Variants in NRP2 observed in about 807,000 individuals in gnomAD.
The protein encoded by NRP2 is neuropilin-2.
In NRP2, 52 loss-of-function variants were observed where a neutral mutation model predicts 110.4. The observed-to-expected ratio is 0.47, with a 90% CI of 0.38 to 0.59. NRP2 has a LOEUF of 0.59. Among genes scored for constraint, NRP2 ranks in the 20% least tolerant of loss-of-function variants. NRP2 has a pLI of 0.00. For missense variants in NRP2, 1,049 were observed against 1,203.0 expected, an observed-to-expected ratio of 0.87 and a Z score of 1.89; for synonymous variants, 508 against 468.9, an observed-to-expected ratio of 1.08 and a Z score of -1.08.
rs1043259066 is a variant in NRP2, at chr2:205,749,666, T to C, written c.1787-59T>C. On this transcript the variant is annotated intron_variant, in intron 10 of 16. Transcript: ENST00000357785. ...CTAGAGATGTTTGGCATCTTCCTCCTGCTGGGTTGCAACACAGGCTGCTAC... is the reference window on the plus strand; with the variant it reads ...CTAGAGATGTTTGGCATCTTCCTCCCGCTGGGTTGCAACACAGGCTGCTAC... 5.9e-6 allele frequency: 8 copies of C among 1,345,716 alleles called. No homozygotes were observed. The African/African-American group carries it at 1.0e-4, about 17-fold the overall frequency. 83.4% of individuals were successfully genotyped at this position (1,345,716 alleles called of 1,614,324 possible). A position where few individuals can be genotyped will look rare whatever the true frequency, so the allele number is the denominator to read the frequency against.
intron 15 of NRP2, among the ~76,000 whole-genome samples, chr2:205,788,812 T>G (rs1179935446): frequency 6.6e-6 from 1 of 152,238 alleles, no homozygotes; most frequent in East Asian, 1.9e-4. Context: ...CTGAAGGGCC[T>G]TGATGGTAGA....
intron 12 of NRP2, among the ~76,000 whole-genome samples, chr2:205,753,336 G>A (rs1238541679): frequency 1.3e-5 from 2 of 152,192 alleles, no homozygotes; most frequent in Non-Finnish European, 2.9e-5. Context: ...AGAGCCCCTT[G>A]TCAACTTCGA....
chr2:205,780,394 C>A (rs192465911), intron 15 of NRP2, among the ~76,000 whole-genome samples: 1 of 152,288 alleles, frequency 6.6e-6, no homozygotes, highest in East Asian at 1.9e-4. Flanking sequence ...AAGGCCAGGT[C>A]TTTCTTGATG....
chr2:205,783,465 G>A (rs879654375), intron 15 of NRP2, among the ~76,000 whole-genome samples: 1 of 152,200 alleles, frequency 6.6e-6, no homozygotes, highest in Non-Finnish European at 1.5e-5. Flanking sequence ...ATGCAGTATT[G>A]TGCTGCAGAC....
chr2:205,763,038 T>C lies in NRP2; in HGVS notation c.2045-636T>C, dbSNP rs1343873889. On this transcript the variant is annotated intron_variant, in intron 12 of 16. Coordinates refer to ENST00000357785, the MANE Select transcript of NRP2 (RefSeq NM_003872.3). The surrounding 1 kb of genome is among the most constrained non-coding windows in gnomAD (Gnocchi z 4.0). ...GCCAAGTTCAAGCCTCCCTGAATCA[T>C]CCCTTTCAGCTCCCACCCTCTGTTC... is the stretch of plus-strand genomic sequence containing the variant. 6.6e-6 allele frequency among the ~76,000 whole-genome samples: 1 copy of C among 152,158 alleles called. No homozygotes were observed. The highest frequency in any genetic ancestry group is 1.5e-5 in the Non-Finnish European group (1 of 68,012).
At chr2:205,756,679 T>C (rs6733650) in intron 12 of NRP2, 95,963 of 151,954 alleles carry the variant, frequency 0.63, 30,429 homozygotes, top group Non-Finnish European at 0.65. Context: ...GACACTCACA[T>C]GAGAGCAACC....
intron 2 of NRP2, among the ~76,000 whole-genome samples, chr2:205,698,675 T>C (rs1341065893): frequency 6.6e-6 from 1 of 152,222 alleles, no homozygotes; most frequent in African/African-American, 2.4e-5. Flanking sequence ...CTTTTCTCAT[T>C]GGAAATAAAG....
At chr2:205,789,272 G>C (rs1213929141) in intron 15 of NRP2, among the ~76,000 whole-genome samples, 1 of 152,148 alleles carries the variant, frequency 6.6e-6, no homozygotes, top group Non-Finnish European at 1.5e-5. Context: ...TTGTAGTCAG[G>C]CTGACCTGAG....
chr2:205,760,448 G>A (rs1033501050), intron 12 of NRP2, among the ~76,000 whole-genome samples: 9 of 152,178 alleles, frequency 5.9e-5, no homozygotes, highest in African/African-American at 1.2e-4. Flanking sequence ...AGGCCTGCTC[G>A]TCTGGAGATT....
intron 1 of NRP2, among the ~76,000 whole-genome samples, chr2:205,695,137 G>A (rs2056396644): frequency 6.6e-6 from 1 of 152,198 alleles, no homozygotes; most frequent in Non-Finnish European, 1.5e-5. Flanking sequence ...CACAACTGAA[G>A]CAGATGTTCT....
intron 15 of NRP2, among the ~76,000 whole-genome samples, chr2:205,773,067 C>T (rs1464314223): frequency 6.6e-6 from 1 of 152,206 alleles, no homozygotes; most frequent in Non-Finnish European, 1.5e-5. Context: ...CTGATGTTGT[C>T]TGGGAAGGTG....
At chr2:205,723,447 G>A (rs1383665030) in intron 4 of NRP2, among the ~76,000 whole-genome samples, 1 of 152,204 alleles carries the variant, frequency 6.6e-6, no homozygotes, top group Non-Finnish European at 1.5e-5. Context: ...TTTCCTAGCA[G>A]TAAGAATAAA....
chr2:205,769,481 G>GCT (rs1437925811), intron 15 of NRP2, among the ~76,000 whole-genome samples: 2 of 140,204 alleles, frequency 1.4e-5, no homozygotes, highest in African/African-American at 5.4e-5. Flanking sequence ...TGTGTTTTCT[G>GCT]CTGTGTGTGT....
rs902236011 is a variant in NRP2, at chr2:205,763,302, T to G, written c.2045-372T>G. Among the ~76,000 whole-genome samples the G allele has an allele frequency of 6.6e-6, 1 of 150,750 alleles. No homozygotes were observed. The highest frequency in any genetic ancestry group is 1.5e-5 in the Non-Finnish European group (1 of 67,784). On this transcript the variant is annotated intron_variant, in intron 12 of 16. Transcript: ENST00000357785. This position sits in a 1 kb window ranked among gnomAD's most constrained non-coding sequence, Gnocchi z 4.0. Reference sequence around the variant, plus strand: ...CATCAGATTGCACTGGCCCTTTGGGTGAGTTAATGATGAATAAGATGTGGG... The same window carrying G: ...CATCAGATTGCACTGGCCCTTTGGGGGAGTTAATGATGAATAAGATGTGGG...
In NRP2 at chr2:205,714,541, G is replaced by A. The variant is rs116469651; in HGVS notation, c.252-1652G>A. The stretch of plus-strand genomic sequence containing the variant: ...AGTTTCCCCTGAGAACAAATGAAGC[G>A]TCTTTTTACTTTTGTTTTGGAAATG... On this transcript the variant is annotated intron_variant, in intron 2 of 16. Transcript: ENST00000357785. Among the ~76,000 whole-genome samples the A allele has an allele frequency of 1.2e-3, 177 of 152,288 alleles. 1 individual carries two copies. The highest frequency in any genetic ancestry group is 4.0e-3 in the African/African-American group (165 of 41,554).
chr2:205,784,502 A>T (rs112387729), intron 15 of NRP2, among the ~76,000 whole-genome samples: 2,773 of 152,296 alleles, frequency 0.018, 90 homozygotes, highest in African/African-American at 0.062. Context: ...GATGGGGCCA[A>T]CATGGGTGTG....
intron 10 of NRP2, among the ~76,000 whole-genome samples, chr2:205,746,642 G>T (rs113231938): frequency 6.6e-6 from 1 of 152,184 alleles, no homozygotes; most frequent in East Asian, 1.9e-4. Context: ...AGCCACTGGG[G>T]CTCAGGGACT....
At chr2:205,759,129 G>A (rs1186294600) in intron 12 of NRP2, among the ~76,000 whole-genome samples, 2 of 152,136 alleles carry the variant, frequency 1.3e-5, no homozygotes, top group Admixed American at 1.3e-4. Context: ...TTGGAAGAAG[G>A]GTCAGTGGAA....
chr2:205,725,842 G>A lies in NRP2; in HGVS notation c.821-71G>A. 6.6e-7 allele frequency: 1 copy of A among 1,522,334 alleles called. No homozygotes were observed. Among genetic ancestry groups the A allele is most frequent in the Non-Finnish European group, 9.1e-7 (1 of 1,098,510 alleles). 94.3% of individuals were successfully genotyped at this position (1,522,334 alleles called of 1,614,324 possible). A position where few individuals can be genotyped will look rare whatever the true frequency, so the allele number is the denominator to read the frequency against. On this transcript the variant is annotated intron_variant, in intron 5 of 16. Coordinates refer to ENST00000357785, the MANE Select transcript of NRP2 (RefSeq NM_003872.3). This position sits in a 1 kb window ranked among gnomAD's most constrained non-coding sequence, Gnocchi z 4.1. ...TGCAAGGACTTGTCCCTAGAAGGGAGGCAGCATTTGGGGGATCCCGAGGTA... is the reference window on the plus strand; with the variant it reads ...TGCAAGGACTTGTCCCTAGAAGGGAAGCAGCATTTGGGGGATCCCGAGGTA...
Sources: gnomAD v4.1 joint callset for allele counts (sites outside exome capture counted in the v4.1 genomes callset) on GRCh38, gnomAD v4.1.1 for gene constraint, Gnocchi (gnomAD v3.1) non-coding constraint, MANE v1.5 for transcripts, NCBI Gene and HGNC (gene_info 2026-07-23, HGNC 2026-07-21) for gene names.